KCNS3: variants seen among roughly 807,000 people sequenced by gnomAD.
KCNS3 encodes potassium voltage-gated channel modifier subfamily S member 3, also known as delayed-rectifier potassium channel regulatory subunit KCNS3.
A neutral mutation model predicts 31.0 loss-of-function variants in KCNS3; 13 were observed. That is an observed-to-expected ratio of 0.42 (90% CI 0.27 to 0.67). The LOEUF is 0.67. KCNS3 is among the 30% of genes least tolerant of loss of function. The pLI is 0.25. For synonymous variants in KCNS3, 238 were observed against 241.5 expected (o/e 0.99, Z 0.13); for missense variants, 545 against 622.4 (o/e 0.88, Z 1.32).
At chr2:17,878,570 G>A (rs1292822656), upstream of KCNS3, 1 of 148,746 alleles carries the variant, frequency 6.7e-6, no homozygotes, top group African/African-American at 2.5e-5. Context: ...CGACCAATGG[G>A]GCGGCGGCCG....
At position 17,901,874 on chromosome 2, in the gene KCNS3, C is replaced by A. The variant is rs192486329; in HGVS notation, c.-251-15806C>A. Among the ~76,000 whole-genome samples, 186 of 152,274 alleles carry A rather than the reference C, an allele frequency of 1.2e-3. 1 individual carries two copies. The highest frequency in any genetic ancestry group is 4.4e-3 in the African/African-American group (183 of 41,548). ...AACTAGGTGATCTGGCCACGTGATACCCACAGATAAGGGACAACAGTTGGC... is the reference window on the plus strand; with the variant it reads ...AACTAGGTGATCTGGCCACGTGATAACCACAGATAAGGGACAACAGTTGGC... On this transcript the variant is annotated intron_variant, in intron 1 of 2. Transcript: ENST00000304101.
At chr2:17,895,459 C>T (rs1662002873) in intron 1 of KCNS3, among the ~76,000 whole-genome samples, 1 of 152,148 alleles carries the variant, frequency 6.6e-6, no homozygotes, top group African/African-American at 2.4e-5. Flanking sequence ...TCACCATGTC[C>T]TGGAGTCCCT....
intron 1 of KCNS3, among the ~76,000 whole-genome samples, chr2:17,908,417 A>T (rs972231833): frequency 6.6e-6 from 1 of 152,174 alleles, no homozygotes; most frequent in African/African-American, 2.4e-5. Context: ...TTCCTCCTTT[A>T]GCTCGGAGAA....
intron 1 of KCNS3, among the ~76,000 whole-genome samples, chr2:17,896,887 A>G (rs1181298202): frequency 2.6e-5 from 4 of 150,956 alleles, no homozygotes; most frequent in Admixed American, 1.3e-4. Context: ...TCTTTTTTTC[A>G]TTTTTTCAAC....
chr2:17,906,371 C>A (rs984180231), intron 1 of KCNS3, among the ~76,000 whole-genome samples: 2 of 152,028 alleles, frequency 1.3e-5, no homozygotes, highest in African/African-American at 4.8e-5. Context: ...ATTAGTCTTG[C>A]TAGCGGTCTA....
At chr2:17,892,164 C>T (rs924714268) in intron 1 of KCNS3, among the ~76,000 whole-genome samples, 1 of 151,938 alleles carries the variant, frequency 6.6e-6, no homozygotes, top group Admixed American at 6.6e-5. Flanking sequence ...TGGGTTAATT[C>T]GAAGACCTTG....
At chr2:17,912,440 A>G (rs1179705209) in intron 1 of KCNS3, among the ~76,000 whole-genome samples, 1 of 152,360 alleles carries the variant, frequency 6.6e-6, no homozygotes, top group African/African-American at 2.4e-5. Context: ...GAGCCAGTGC[A>G]GTTCCTTTCT....
At chr2:17,885,680 T>C (rs1661639168) in intron 1 of KCNS3, among the ~76,000 whole-genome samples, 2 of 152,190 alleles carry the variant, frequency 1.3e-5, no homozygotes. Context: ...GTTCAGGCTT[T>C]CAGCTGATTT....
chr2:17,929,138 C>T (rs1472603812), intron 2 of KCNS3, among the ~76,000 whole-genome samples: 1 of 152,206 alleles, frequency 6.6e-6, no homozygotes, highest in Non-Finnish European at 1.5e-5. Flanking sequence ...TATACAGGGT[C>T]CTCCACAATC....
chr2:17,905,547 A>G (rs1572489948), intron 1 of KCNS3, among the ~76,000 whole-genome samples: 1 of 152,234 alleles, frequency 6.6e-6, no homozygotes, highest in Admixed American at 6.5e-5. Flanking sequence ...CCAGTTTTCA[A>G]AGGGAATGCT....
chr2:17,930,937 G>T lies in KCNS3; in HGVS notation c.-59-13G>T. On this transcript the variant is annotated splice_polypyrimidine_tract_variant and intron_variant, in intron 2 of 2. Transcript: ENST00000304101. ...CAGGACAGAGTGCTAATATCATCTTGTGCTCTTTCCAGGTGCAGCCTGATC... is the reference window on the plus strand; with the variant it reads ...CAGGACAGAGTGCTAATATCATCTTTTGCTCTTTCCAGGTGCAGCCTGATC... 1.3e-6 allele frequency: 2 copies of T among 1,535,286 alleles called. No individual in the cohort carries two copies. The highest frequency in any genetic ancestry group is 4.5e-5 in the East Asian group (2 of 44,320).
At chr2:17,889,174 A>AT (rs1661777360) in intron 1 of KCNS3, among the ~76,000 whole-genome samples, 2 of 151,194 alleles carry the variant, frequency 1.3e-5, no homozygotes, top group East Asian at 3.9e-4. Flanking sequence ...TAAGTATTTT[A>AT]TTTTTTTTGC....
At chr2:17,906,189 G>C (rs1463943461) in intron 1 of KCNS3, among the ~76,000 whole-genome samples, 1 of 152,186 alleles carries the variant, frequency 6.6e-6, no homozygotes, top group African/African-American at 2.4e-5. Context: ...TTAATCTTGG[G>C]AGGGTGTATG....
At chr2:17,917,063 T>G (rs1464608270) in intron 1 of KCNS3, among the ~76,000 whole-genome samples, 2 of 152,160 alleles carry the variant, frequency 1.3e-5, no homozygotes, top group Non-Finnish European at 2.9e-5. Context: ...TTTTTATTTG[T>G]TGTGACAGAA....
At chr2:17,920,579 T>C (rs903784171) in intron 2 of KCNS3, among the ~76,000 whole-genome samples, 10 of 152,252 alleles carry the variant, frequency 6.6e-5, no homozygotes, top group African/African-American at 2.4e-4. Flanking sequence ...ATATTCTTCT[T>C]CTTTTCAATC....
intron 2 of KCNS3, among the ~76,000 whole-genome samples, chr2:17,918,419 A>G (rs931223560): frequency 2.0e-5 from 3 of 152,342 alleles, no homozygotes; most frequent in Non-Finnish European, 2.9e-5. Flanking sequence ...TGATATGTCT[A>G]TACTGGGCCT....
intron 1 of KCNS3, among the ~76,000 whole-genome samples, chr2:17,884,563 G>C (rs1040250002): frequency 2.0e-5 from 3 of 151,892 alleles, no homozygotes; most frequent in Admixed American, 6.6e-5. Flanking sequence ...AAGTGAGATT[G>C]GCCTGGGTTG....
chr2:17,886,766 A>ATCCATCCG (rs1558446070), intron 1 of KCNS3, among the ~76,000 whole-genome samples: 1 of 151,678 alleles, frequency 6.6e-6, no homozygotes, highest in Non-Finnish European at 1.5e-5. Context: ...CCATCCATCC[A>ATCCATCCG]TCCATCCATC....
intron 1 of KCNS3, among the ~76,000 whole-genome samples, chr2:17,897,120 A>C (rs1387417049): frequency 1.3e-5 from 2 of 151,504 alleles, no homozygotes; most frequent in Non-Finnish European, 2.9e-5. Context: ...TTTAGCTCCC[A>C]CTCACATAAG....
Sources: gnomAD v4.1 joint callset for allele counts (sites outside exome capture counted in the v4.1 genomes callset) on GRCh38, gnomAD v4.1.1 for gene constraint, MANE v1.5 for transcripts, NCBI Gene and HGNC (gene_info 2026-07-23, HGNC 2026-07-21) for gene names.